Variants in CD48 observed in about 807,000 individuals in gnomAD.
The protein encoded by CD48 is CD48 molecule.
A neutral mutation model predicts 22.0 loss-of-function variants in CD48; 20 were observed. That is an observed-to-expected ratio of 0.91 (90% confidence interval 0.64 to 1.32). The LOEUF (loss-of-function observed/expected upper bound fraction) is 1.32. CD48 is among the 40% of genes most tolerant of loss of function. The probability of loss-of-function intolerance (pLI) is 0.00; values close to 1 mark genes in which losing one functional copy is unlikely to be tolerated. For synonymous variants in CD48, 110 were observed against 110.1 expected (o/e 1.00, Z 0.01); for missense variants, 307 against 286.5 (o/e 1.07, Z -0.52).
At chr1:160,683,850 G>A (rs1232767430) in intron 2 of CD48, 3 of 152,070 alleles carry the variant, frequency 2.0e-5, no homozygotes, top group African/African-American at 7.2e-5. Flanking sequence ...ACCACTCTTG[G>A]ATTATTTAGC....
rs150535390 is a variant in CD48, at chr1:160,679,085, C to T, written c.699G>A (p.Thr233=). The T allele has an allele frequency of 8.7e-3, 14,045 of 1,614,002 alleles. 91 individuals carry two copies. The highest frequency in any genetic ancestry group is 9.9e-3 in the Non-Finnish European group (11,647 of 1,179,906). The change falls in exon 4 of 4, where the codon ACG becomes ACA. Residue 233 remains threonine (T), a synonymous_variant. Coordinates refer to ENST00000368046, the MANE Select transcript of CD48 (RefSeq NM_001778.4). The part of the protein sequence containing the change: ...VEWIASWLVV[T]VPTILGLLLT ...GTAACAGGCCAAGAATGGTGGGCAC[C>T]GTGACCACTAGCCAACTTGCAATCC...
intron 1 of CD48, among the ~76,000 whole-genome samples, chr1:160,702,272 G>T (rs1387624774): frequency 6.6e-6 from 1 of 152,110 alleles, no homozygotes; most frequent in Admixed American, 6.6e-5. Context: ...TAGTACTAAA[G>T]AGATCAACCA....
At chr1:160,685,724 G>T (rs1661974433) in intron 1 of CD48, among the ~76,000 whole-genome samples, 1 of 152,134 alleles carries the variant, frequency 6.6e-6, no homozygotes, top group African/African-American at 2.4e-5. Context: ...GGGACCAAGG[G>T]AAAGCTTCCC....
intron 1 of CD48, among the ~76,000 whole-genome samples, chr1:160,698,043 G>A (rs893340737): frequency 1.3e-5 from 2 of 152,176 alleles, no homozygotes; most frequent in Non-Finnish European, 2.9e-5. Context: ...CACCACATTA[G>A]AATTTGGTCT....
intron 1 of CD48, among the ~76,000 whole-genome samples, chr1:160,709,792 T>C (rs2102444674): frequency 6.6e-6 from 1 of 152,336 alleles, no homozygotes; most frequent in Non-Finnish European, 1.5e-5. Flanking sequence ...TGTGTAACAA[T>C]TATTTATTGA....
intron 1 of CD48, among the ~76,000 whole-genome samples, chr1:160,688,574 A>G (rs7539434): frequency 0.04 from 6,121 of 152,292 alleles, 161 homozygotes; most frequent in African/African-American, 0.074. Flanking sequence ...TAAGTAAAGC[A>G]GAATGTCTGG....
intron 2 of CD48, 31 bp from the exon 3 acceptor site, chr1:160,681,499 A>G (rs1398832857): frequency 1.2e-6 from 2 of 1,605,234 alleles, no homozygotes; most frequent in Non-Finnish European, 1.7e-6. Flanking sequence ...ATAAGATGAG[A>G]CAGTGAGGCA....
chr1:160,700,266 A>G (rs1440871444), intron 1 of CD48, among the ~76,000 whole-genome samples: 1 of 152,220 alleles, frequency 6.6e-6, no homozygotes, highest in Non-Finnish European at 1.5e-5. Context: ...TTGGATAATG[A>G]TTGTCAATAA....
At chr1:160,696,779 T>A (rs1439500780) in intron 1 of CD48, among the ~76,000 whole-genome samples, 2 of 141,334 alleles carry the variant, frequency 1.4e-5, no homozygotes, top group East Asian at 4.0e-4. Flanking sequence ...AGAAAGTACT[T>A]CCCATGTTAA....
At chr1:160,701,481 C>G (rs984335673) in intron 1 of CD48, among the ~76,000 whole-genome samples, 2 of 151,882 alleles carry the variant, frequency 1.3e-5, no homozygotes, top group African/African-American at 4.8e-5. Context: ...GGAATGGGAT[C>G]AGGAGGTATG....
intron 1 of CD48, among the ~76,000 whole-genome samples, chr1:160,706,798 C>G (rs778882203): frequency 6.6e-6 from 1 of 151,934 alleles, no homozygotes; most frequent in Non-Finnish European, 1.5e-5. Flanking sequence ...AGAATTGTAA[C>G]GGGAAAAAAT....
intron 1 of CD48, among the ~76,000 whole-genome samples, chr1:160,709,857 G>T (rs1338657468): frequency 6.6e-6 from 1 of 152,168 alleles, no homozygotes; most frequent in Admixed American, 6.5e-5. Flanking sequence ...ACTGCACATG[G>T]TTTCTGTCCT....
intron 1 of CD48, among the ~76,000 whole-genome samples, chr1:160,706,636 G>T (rs1046133285): frequency 2.0e-5 from 3 of 152,168 alleles, no homozygotes; most frequent in African/African-American, 7.2e-5. Context: ...GGAAGTATTT[G>T]GTGATATGTC....
intron 2 of CD48, 60 bp from the exon 3 acceptor site, chr1:160,681,528 A>C: frequency 6.3e-7 from 1 of 1,580,202 alleles, no homozygotes; most frequent in African/African-American, 1.3e-5. Context: ...GTGAAGGTTT[A>C]GCCAACAAAG....
At chr1:160,679,316 A>C (rs1473674455) in intron 3 of CD48, among the ~76,000 whole-genome samples, 185 bp from the exon 4 acceptor site, 2 of 152,190 alleles carry the variant, frequency 1.3e-5, no homozygotes, top group African/African-American at 4.8e-5. Flanking sequence ...TAAAGTATAA[A>C]AAATGCAGAA....
chr1:160,680,818 A>G (rs1661765979), intron 3 of CD48: 2 of 1,200,572 alleles, frequency 1.7e-6, no homozygotes, highest in East Asian at 3.9e-5. Context: ...TCGGCTGTCT[A>G]ATGAAGCCCC....
intron 1 of CD48, among the ~76,000 whole-genome samples, chr1:160,694,441 A>G (rs1662336650): frequency 6.6e-6 from 1 of 151,384 alleles, no homozygotes; most frequent in Non-Finnish European, 1.5e-5. Flanking sequence ...CTGTTACAGG[A>G]CTTGTCGGCA....
intron 3 of CD48, among the ~76,000 whole-genome samples, chr1:160,679,401 C>A (rs78182176): frequency 1.1e-3 from 167 of 152,294 alleles, no homozygotes; most frequent in African/African-American, 3.9e-3. Context: ...CCTGGGAAAG[C>A]ATTGCTCCCC....
In CD48 at chr1:160,686,109, A is replaced by AT. The variant is rs373179489; in HGVS notation, c.83-921dup. ...TAGGTCAGATAATTTCTTTATAGCT[A>AT]TTTTTTTTTTACAGAGAAAGGCTCA... On this transcript the variant is annotated intron_variant, in intron 1 of 3. Transcript: ENST00000368046. 4.3e-3 allele frequency among the ~76,000 whole-genome samples: 637 copies of AT among 147,944 alleles called. 4 individuals are homozygous for AT. Among genetic ancestry groups the AT allele is most frequent in the African/African-American group, 0.013 (524 of 40,476 alleles).
Sources: allele counts gnomAD v4.1 joint callset (sites outside exome capture counted in the v4.1 genomes callset), GRCh38; gene constraint gnomAD v4.1.1; transcripts MANE v1.5; gene names NCBI Gene and HGNC (gene_info 2026-07-23, HGNC 2026-07-21).